ANKRD30A: variants seen among roughly 807,000 people sequenced by gnomAD.
ANKRD30A encodes ankyrin repeat domain-containing protein 30A.
ANKRD30A carries 170 observed loss-of-function variants against 166.3 expected under a neutral mutation model. That is an observed-to-expected ratio of 1.02 (90% CI 0.90 to 1.16). The LOEUF is 1.16. Among genes scored for constraint, ANKRD30A ranks in the 50% most tolerant of loss-of-function variants. The pLI is 0.00. For missense variants in ANKRD30A, 1,630 were observed against 1,518.0 expected (o/e 1.07, Z -1.23); for synonymous variants, 564 against 508.9 (o/e 1.11, Z -1.46).
intron 6 of ANKRD30A, 144 bp from the exon 7 acceptor site, chr10:37,141,572 CAA>C (rs909714989): frequency 0.035 from 25,157 of 720,380 alleles, no homozygotes; most frequent in East Asian, 0.047. Context: ...GACTCTGTCT[CAA>C]AAAAAAAAAA....
chr10:37,136,918 A>G (rs1836736320), intron 6 of ANKRD30A, among the ~76,000 whole-genome samples: 1 of 151,118 alleles, frequency 6.6e-6, no homozygotes, highest in Non-Finnish European at 1.5e-5. Context: ...GCAGTTTATA[A>G]TCTCAAAAAA....
chr10:37,173,213 AC>A (rs1839737747), intron 21 of ANKRD30A, among the ~76,000 whole-genome samples: 1 of 138,560 alleles, frequency 7.2e-6, no homozygotes, highest in African/African-American at 2.7e-5. Context: ...ATGGAAAAAA[AC>A]GAATATTCAT....
At chr10:37,230,339 A>C (rs565884426) in intron 34 of ANKRD30A, among the ~76,000 whole-genome samples, 1 of 152,126 alleles carries the variant, frequency 6.6e-6, no homozygotes, top group East Asian at 1.9e-4. Flanking sequence ...AGTGGAAGTT[A>C]ACTAGATAAT....
the ANKRD30A span, among the ~76,000 whole-genome samples, chr10:37,255,024 G>C: frequency 6.6e-6 from 1 of 152,020 alleles, no homozygotes; most frequent in Non-Finnish European, 1.5e-5. Flanking sequence ...AAGGACAAAT[G>C]TTCTAATTTT....
At chr10:37,256,770 T>C in the ANKRD30A span, among the ~76,000 whole-genome samples, 4 of 152,234 alleles carry the variant, frequency 2.6e-5, no homozygotes, top group African/African-American at 7.2e-5. Flanking sequence ...GATAAGCTTT[T>C]GGATGTGCTG....
chr10:37,142,344 T>A, intron 7 of ANKRD30A, 54 bp downstream of exon 7: 1 of 1,491,890 alleles, frequency 6.7e-7, no homozygotes, highest in Non-Finnish European at 9.0e-7. Flanking sequence ...GGTTCCCTAG[T>A]GAAAAAAGTG....
chr10:37,201,118 T>C (rs1324818927), intron 30 of ANKRD30A, 117 bp from the exon 31 acceptor site: 2 of 748,590 alleles, frequency 2.7e-6, no homozygotes, highest in African/African-American at 1.9e-5. Context: ...GCTCTTAAGT[T>C]GAATTGCTTG....
intron 30 of ANKRD30A, among the ~76,000 whole-genome samples, 158 bp from the exon 31 acceptor site, chr10:37,201,077 T>C (rs1841583728): frequency 1.3e-5 from 2 of 151,516 alleles, no homozygotes; most frequent in Admixed American, 1.3e-4. Context: ...TGTGAGGTTT[T>C]CTATTAAAAT....
chr10:37,195,618 G>T (rs1841013283), intron 27 of ANKRD30A, among the ~76,000 whole-genome samples: 3 of 152,128 alleles, frequency 2.0e-5, no homozygotes, highest in Non-Finnish European at 4.4e-5. Context: ...ATGGTGACCG[G>T]GTGCGGTGGC....
intron 18 of ANKRD30A, among the ~76,000 whole-genome samples, chr10:37,165,525 G>A (rs1285693210): frequency 6.6e-6 from 1 of 152,090 alleles, no homozygotes; most frequent in Middle Eastern, 3.2e-3. Context: ...AGTTCTAATT[G>A]TATTCATAGA....
intron 34 of ANKRD30A, among the ~76,000 whole-genome samples, chr10:37,223,546 T>C: frequency 6.6e-6 from 1 of 151,550 alleles, no homozygotes; most frequent in South Asian, 2.1e-4. Flanking sequence ...ATTTTTTCAC[T>C]TATTGTTAGC....
At chr10:37,153,208 T>C (rs1838089760) in intron 12 of ANKRD30A, among the ~76,000 whole-genome samples, 2 of 152,196 alleles carry the variant, frequency 1.3e-5, no homozygotes, top group Admixed American at 1.3e-4. Flanking sequence ...GTAGCAAATG[T>C]GTTGTATTTT....
intron 34 of ANKRD30A, among the ~76,000 whole-genome samples, chr10:37,225,938 T>G (rs1161934525): frequency 6.6e-6 from 1 of 151,712 alleles, no homozygotes; most frequent in African/African-American, 2.4e-5. Flanking sequence ...AATTCGGCAT[T>G]CTTTGTCACC....
At chr10:37,127,764 A>C (rs529342974) in intron 1 of ANKRD30A, among the ~76,000 whole-genome samples, 1 of 152,234 alleles carries the variant, frequency 6.6e-6, no homozygotes, top group East Asian at 1.9e-4. Context: ...CTATCCACAA[A>C]GTTTGTGAGG....
At chr10:37,201,496 C>T (rs1247851332) in intron 31 of ANKRD30A, among the ~76,000 whole-genome samples, 171 bp downstream of exon 31, 2 of 151,858 alleles carry the variant, frequency 1.3e-5, no homozygotes, top group Admixed American at 6.6e-5. Flanking sequence ...TGGCAAAAGA[C>T]TATATTGAGA....
At chr10:37,247,751 G>A in the ANKRD30A span, among the ~76,000 whole-genome samples, 1 of 151,190 alleles carries the variant, frequency 6.6e-6, no homozygotes, top group Non-Finnish European at 1.5e-5. Context: ...GCGTGGTGGC[G>A]GGCGCCTGTA....
the ANKRD30A span, among the ~76,000 whole-genome samples, chr10:37,250,252 G>A: frequency 2.6e-5 from 4 of 152,208 alleles, no homozygotes; most frequent in Admixed American, 6.5e-5. Flanking sequence ...GTAAGTTCAG[G>A]AGAATCTTCT....
Position 37,144,693 on chromosome 10 carries a change from T to A in ANKRD30A, c.1394-302T>A, listed in dbSNP as rs73242777. 2.2e-3 allele frequency among the ~76,000 whole-genome samples: 334 copies of A among 152,276 alleles called. 1 individual carries two copies. Among genetic ancestry groups the A allele is most frequent in the African/African-American group, 7.5e-3 (312 of 41,562 alleles). ...AAGTTATCTGAGTGAACAGCAAATA[T>A]CTGACATAGTATGCTTCACGGGAGA... On this transcript the variant is annotated intron_variant, in intron 7 of 35. Coordinates refer to ENST00000361713, the MANE Select transcript of ANKRD30A (RefSeq NM_052997.3).
At chr10:37,205,407 C>G (rs988824676) in intron 31 of ANKRD30A, among the ~76,000 whole-genome samples, 1 of 140,164 alleles carries the variant, frequency 7.1e-6, no homozygotes, top group African/African-American at 2.7e-5. Context: ...AATGAGAACA[C>G]TTGGACACAG....
Sources: allele counts gnomAD v4.1 joint callset (sites outside exome capture counted in the v4.1 genomes callset), GRCh38; gene constraint gnomAD v4.1.1; transcripts MANE v1.5; gene names NCBI Gene and HGNC (gene_info 2026-07-23, HGNC 2026-07-21).